FAM168A: variants seen among roughly 807,000 people sequenced by gnomAD.
FAM168A encodes protein FAM168A.
In FAM168A, 3 loss-of-function variants were observed where a neutral mutation model predicts 28.5. That is an observed-to-expected ratio of 0.11 (90% confidence interval 0.05 to 0.27). FAM168A has a LOEUF of 0.27. FAM168A is among the 10% of genes least tolerant of loss of function. The pLI is 1.00. For synonymous variants in FAM168A, 122 were observed against 124.2 expected (o/e 0.98, Z 0.12); for missense variants, 222 against 311.5 (o/e 0.71, Z 2.16).
At chr11:73,552,321 T>C (rs763398807) in intron 1 of FAM168A, among the ~76,000 whole-genome samples, 4 of 152,232 alleles carry the variant, frequency 2.6e-5, no homozygotes, top group Non-Finnish European at 4.4e-5. Flanking sequence ...ATAAAATATC[T>C]ATAGAATGTC....
rs944974422 is a variant in FAM168A at position 73,475,122 on chromosome 11, C to T, written c.-18-6630G>A. On this transcript the variant is annotated intron_variant, in intron 1 of 7. Coordinates refer to ENST00000356467, the MANE Select transcript of FAM168A (RefSeq NM_015159.3). The stretch of plus-strand genomic sequence containing the variant: ...ATCTCAACTATTTCTTTCAAAATAA[C>T]GAAATATATGACCATTAAATGACAA... 4.6e-5 allele frequency among the ~76,000 whole-genome samples: 7 copies of T among 152,116 alleles called. No individual in the cohort carries two copies. In the South Asian group the frequency reaches 6.2e-4, roughly 14 times the overall value.
chr11:73,519,062 TC>T (rs1466558207), intron 1 of FAM168A, among the ~76,000 whole-genome samples: 1 of 152,166 alleles, frequency 6.6e-6, no homozygotes, highest in African/African-American at 2.4e-5. Flanking sequence ...AAGCCCCTTT[TC>T]TTTATAAATT....
chr11:73,496,993 A>G (rs1431730626), intron 1 of FAM168A, among the ~76,000 whole-genome samples: 1 of 152,138 alleles, frequency 6.6e-6, no homozygotes. Context: ...TTTTACACAA[A>G]TTCCCCACGT....
intron 1 of FAM168A, chr11:73,510,569 T>C (rs1460049552): frequency 4.2e-6 from 1 of 235,464 alleles, no homozygotes; most frequent in African/African-American, 2.3e-5. Context: ...CTCTGTAAAA[T>C]GAGCAGGGAT....
intron 1 of FAM168A, among the ~76,000 whole-genome samples, chr11:73,525,063 T>C (rs1943432707): frequency 6.6e-6 from 1 of 151,994 alleles, no homozygotes; most frequent in South Asian, 2.1e-4. Context: ...CTTGTGCTTG[T>C]ATGCTTTCCC....
chr11:73,429,249 T>C (rs1291857965), intron 3 of FAM168A, among the ~76,000 whole-genome samples: 4 of 152,036 alleles, frequency 2.6e-5, no homozygotes, highest in Non-Finnish European at 5.9e-5. Context: ...GAGAAAAGCA[T>C]AGGACGAGAG....
intron 3 of FAM168A, among the ~76,000 whole-genome samples, chr11:73,422,451 C>T (rs946918599): frequency 2.6e-5 from 4 of 152,136 alleles, no homozygotes; most frequent in African/African-American, 7.2e-5. Context: ...TAGCTGTCAA[C>T]TTGACCTCCC....
At chr11:73,538,368 G>A (rs1360743668) in intron 1 of FAM168A, among the ~76,000 whole-genome samples, 1 of 151,848 alleles carries the variant, frequency 6.6e-6, no homozygotes, top group Non-Finnish European at 1.5e-5. Flanking sequence ...GAGAGAGAGT[G>A]AAGTAGCAAC....
At chr11:73,534,406 T>A (rs1184407388) in intron 1 of FAM168A, among the ~76,000 whole-genome samples, 1 of 149,114 alleles carries the variant, frequency 6.7e-6, no homozygotes, top group Non-Finnish European at 1.5e-5. Context: ...TTTATTTATT[T>A]ATTTTTTTTT....
chr11:73,463,319 A>C (rs1384474238), intron 2 of FAM168A, among the ~76,000 whole-genome samples: 1 of 152,168 alleles, frequency 6.6e-6, no homozygotes, highest in Non-Finnish European at 1.5e-5. Context: ...AGGACTTAAT[A>C]ACTGGCTTTA....
At chr11:73,435,850 T>C (rs1214013491) in intron 2 of FAM168A, among the ~76,000 whole-genome samples, 6 of 152,218 alleles carry the variant, frequency 3.9e-5, no homozygotes, top group Non-Finnish European at 8.8e-5. Flanking sequence ...TGCTTTTCAT[T>C]TGAGCCTCAA....
intron 1 of FAM168A, among the ~76,000 whole-genome samples, chr11:73,569,288 C>T (rs1322016323): frequency 2.6e-5 from 4 of 152,280 alleles, no homozygotes; most frequent in African/African-American, 9.6e-5. Context: ...ATTCCCTCAG[C>T]AATCATTATG....
At chr11:73,450,250 A>G (rs1416164735) in intron 2 of FAM168A, among the ~76,000 whole-genome samples, 1 of 152,220 alleles carries the variant, frequency 6.6e-6, no homozygotes, top group Non-Finnish European at 1.5e-5. Flanking sequence ...ACTTGAAGGA[A>G]TTATGACATT....
chr11:73,590,418 A>T (rs1209677351), intron 1 of FAM168A, among the ~76,000 whole-genome samples: 1 of 152,206 alleles, frequency 6.6e-6, no homozygotes, highest in Non-Finnish European at 1.5e-5. Flanking sequence ...AAGACACCAA[A>T]ATGTTTGAGA....
intron 1 of FAM168A, chr11:73,580,465 T>C (rs1464300823): frequency 1.6e-6 from 1 of 620,334 alleles, no homozygotes; most frequent in South Asian, 1.4e-5. Context: ...CTACAGAAAA[T>C]GGAGATGCCA....
At position 73,409,302 on chromosome 11, in the gene FAM168A, G is replaced by A. The variant is rs781724223; in HGVS notation, c.595+185C>T. Among the ~76,000 whole-genome samples, 5 of 152,126 alleles carry A rather than the reference G, an allele frequency of 3.3e-5. No individual in the cohort carries two copies. In the South Asian group the frequency reaches 8.3e-4, roughly 25 times the overall value. On this transcript the variant is annotated intron_variant, in intron 6 of 7. Coordinates refer to ENST00000356467, the MANE Select transcript of FAM168A (RefSeq NM_015159.3). Reference sequence around the variant, plus strand: ...CACCCTTTAAGGCCTAGCTCGATACGTCCTTCTTGGTGAAATCTTCCTCAT... The same window carrying A: ...CACCCTTTAAGGCCTAGCTCGATACATCCTTCTTGGTGAAATCTTCCTCAT...
intron 1 of FAM168A, among the ~76,000 whole-genome samples, chr11:73,589,495 G>GAAAAAAAAAA (rs780232062): frequency 1.4e-4 from 9 of 64,900 alleles, no homozygotes; most frequent in Admixed American, 3.7e-4. Flanking sequence ...CTGATAAGCT[G>GAAAAAAAAAA]AAAAAAAAAA....
intron 1 of FAM168A, among the ~76,000 whole-genome samples, chr11:73,535,539 C>T (rs993923468): frequency 1.1e-4 from 16 of 151,648 alleles, no homozygotes; most frequent in Non-Finnish European, 2.1e-4. Flanking sequence ...CCTGCCTCAG[C>T]CTCCCGAGTA....
At chr11:73,529,704 T>C (rs1372597237) in intron 1 of FAM168A, among the ~76,000 whole-genome samples, 2 of 152,106 alleles carry the variant, frequency 1.3e-5, no homozygotes, top group Non-Finnish European at 2.9e-5. Context: ...TCCCAATCCA[T>C]TCCAAGAAGA....
Sources: allele counts gnomAD v4.1 joint callset (sites outside exome capture counted in the v4.1 genomes callset), GRCh38; gene constraint gnomAD v4.1.1; transcripts MANE v1.5; gene names NCBI Gene and HGNC (gene_info 2026-07-23, HGNC 2026-07-21).